Variants in PRX observed in about 807,000 individuals in gnomAD.
PRX encodes periaxin.
In PRX, 24 loss-of-function variants were observed where a neutral mutation model predicts 29.6. The observed-to-expected ratio is 0.81, with a 90% confidence interval of 0.59 to 1.14. PRX has a LOEUF of 1.14. Ranked by LOEUF, PRX falls within the 50% of genes most tolerant of loss-of-function variation. PRX has a pLI of 0.00. For missense variants in PRX, 1,838 were observed against 1,926.4 expected (o/e 0.95, Z 0.86); for synonymous variants, 772 against 831.7 (o/e 0.93, Z 1.24).
Position 40,398,302 on chromosome 19 carries a change from G to T in PRX, c.381+318C>A. The T allele has an allele frequency of 2.8e-6, 4 of 1,421,758 alleles. No homozygotes were observed. Among genetic ancestry groups the T allele is most frequent in the Non-Finnish European group, 3.7e-6 (4 of 1,091,820 alleles). The allele number at this position is 1,421,758 out of a possible 1,614,324, so 88.1% of individuals were successfully genotyped here. ...AAACAACTTTGTCCAGGGCCACTCA[G>T]CAGTAATTGGGCCAGCACTCAGGCT... On this transcript the variant is annotated intron_variant, in intron 6 of 6. Coordinates refer to ENST00000324001, the MANE Select transcript of PRX (RefSeq NM_181882.3). The surrounding 1 kb of genome is among the most constrained non-coding windows in gnomAD (Gnocchi z 6.3).
intron 5 of PRX, among the ~76,000 whole-genome samples, chr19:40,401,807 G>C (rs1000026621): frequency 1.8e-4 from 24 of 134,766 alleles, no homozygotes; most frequent in African/African-American, 6.5e-4. Flanking sequence ...TTGCTCTTTC[G>C]CCCAGGCTGG....
At chr19:40,413,062 G>A (rs751462383) in intron 1 of PRX, among the ~76,000 whole-genome samples, 1 of 152,082 alleles carries the variant, frequency 6.6e-6, no homozygotes, top group Non-Finnish European at 1.5e-5. Context: ...TCATTTACTC[G>A]GCACCAGCCC....
intron 4 of PRX, among the ~76,000 whole-genome samples, chr19:40,407,263 G>T (rs1327687236): frequency 7.2e-6 from 1 of 138,132 alleles, no homozygotes; most frequent in Admixed American, 7.7e-5. Flanking sequence ...TTTAGACAGG[G>T]TCTTTTTTTT....
At chr19:40,408,622 C>T (rs1445638640) in intron 1 of PRX, among the ~76,000 whole-genome samples, 4 of 152,136 alleles carry the variant, frequency 2.6e-5, no homozygotes, top group Admixed American at 1.3e-4. Flanking sequence ...CTGAGGGGGC[C>T]AAATTCACTA....
rs753795890 is a variant in PRX at position 40,407,934 on chromosome 19, G to A, written c.-2C>T. On this transcript the variant is annotated 5_prime_UTR_variant, in exon 4 of 7. Coordinates refer to ENST00000324001, the MANE Select transcript of PRX (RefSeq NM_181882.3). ...GGCACTCCGGCTCCTGGCCTCCATG[G>A]CGTTGCTGGGAGGCACCTGCACCCC... 1.2e-6 allele frequency: 2 copies of A among 1,613,664 alleles called. No individual in the cohort carries two copies. The highest frequency in any genetic ancestry group is 4.5e-5 in the East Asian group (2 of 44,894).
At chr19:40,413,296 C>T (rs560933742) in intron 1 of PRX, 42 bp downstream of exon 1, 1 of 152,650 alleles carries the variant, frequency 6.6e-6, no homozygotes, top group African/African-American at 2.4e-5. Flanking sequence ...CCCACAGTGT[C>T]TCAGCCTGGC....
intron 4 of PRX, among the ~76,000 whole-genome samples, chr19:40,404,520 T>C (rs1195495559): frequency 3.3e-5 from 5 of 151,380 alleles, no homozygotes; most frequent in African/African-American, 1.2e-4. Context: ...AGGAGAGGAA[T>C]GTGGCCAGAG....
At chr19:40,404,625 A>C (rs868474514) in intron 4 of PRX, among the ~76,000 whole-genome samples, 2 of 152,080 alleles carry the variant, frequency 1.3e-5, no homozygotes, top group South Asian at 4.1e-4. Context: ...GCTTGAGTGC[A>C]GTGGTGTGAT....
At chr19:40,406,652 A>T (rs2079531995) in intron 4 of PRX, among the ~76,000 whole-genome samples, 1 of 152,078 alleles carries the variant, frequency 6.6e-6, no homozygotes, top group African/African-American at 2.4e-5. Context: ...GGTCAATGCC[A>T]ATCCACCATC....
In PRX at chr19:40,401,985, C is replaced by A. The variant is rs1267424844; in HGVS notation, c.184+1721G>T. 3.9e-5 allele frequency among the ~76,000 whole-genome samples: 6 copies of A among 152,102 alleles called. No homozygotes were observed. The East Asian group carries it at 1.2e-3, about 29-fold the overall frequency. On this transcript the variant is annotated intron_variant, in intron 5 of 6. Coordinates refer to ENST00000324001, the MANE Select transcript of PRX (RefSeq NM_181882.3). ...GCCAGGCTGGCCTCGAACTCCTGAC[C>A]TCAGGTGATCAGCCCACCTCAGCCT...
chr19:40,402,092 C>T (rs1415487547), intron 5 of PRX, among the ~76,000 whole-genome samples: 1 of 152,148 alleles, frequency 6.6e-6, no homozygotes, highest in Non-Finnish European at 1.5e-5. Context: ...GTGGCTCACG[C>T]CTGTAATCCC....
In PRX at chr19:40,397,527, G is replaced by A. The variant is rs753268672; in HGVS notation, c.825C>T (p.Leu275=). 94 of 1,543,750 alleles carry A rather than the reference G, an allele frequency of 6.1e-5. No homozygotes were observed. The East Asian group carries it at 1.3e-3, about 21-fold the overall frequency. ...GFALHLPTLG[L]GAPAPPAVEA... is the part of the protein sequence containing the mutation. Reference sequence around the variant, plus strand: ...CCACAGCAGGCGGAGCCGGGGCTCCGAGCCCAAGGGTTGGCAGGTGGAGGG... The same window carrying A: ...CCACAGCAGGCGGAGCCGGGGCTCCAAGCCCAAGGGTTGGCAGGTGGAGGG... Residue 275 remains leucine, a synonymous_variant, in exon 7 of 7, where the codon CTC becomes CTT. Transcript: ENST00000324001.
chr19:40,404,024 C>T (rs2079515358), intron 4 of PRX, among the ~76,000 whole-genome samples, 162 bp from the exon 5 acceptor site: 3 of 152,146 alleles, frequency 2.0e-5, no homozygotes, highest in Admixed American at 6.5e-5. Context: ...TGGTCTCGAA[C>T]TCCTCCTGGG....
rs1489716811 is a variant in PRX, at chr19:40,395,084, T to G, written c.3268A>C (p.Thr1090Pro). The part of the protein sequence containing the change: ...RASPGEKAES[T>P]AVQLKIPEVE... ...TCGGGGATCTTAAGCTGCACAGCGG[T>G]GGACTCAGCCTTTTCCCCCGGGCTG... Residue 1090 changes from threonine (T) to proline (P), a missense_variant, in exon 7 of 7, where the codon ACC becomes CCC. Transcript: ENST00000324001. The G allele has an allele frequency of 5.0e-6, 8 of 1,613,420 alleles. No homozygotes were observed. The Admixed American group carries it at 1.0e-4, about 20-fold the overall frequency.
In PRX at chr19:40,396,086, G is replaced by A. The variant is rs376370494; in HGVS notation, c.2266C>T (p.Pro756Ser). 1.9e-6 allele frequency: 3 copies of A among 1,614,164 alleles called. No homozygotes were observed. Among genetic ancestry groups the A allele is most frequent in the Non-Finnish European group, 1.7e-6 (2 of 1,180,038 alleles). ...GGAACCTTCGGCACTTGCATTTCCG[G>A]CAGCCGAATCTCTGACACTTTCGGC... Reference protein sequence around the residue: ...QLPKVSEIRLPEMQVPKVPDV... With the variant: ...QLPKVSEIRLSEMQVPKVPDV... Residue 756 changes from proline (P) to serine (S), a missense_variant, in exon 7 of 7, where the codon CCG (proline) becomes TCG (serine). This residue lies in a region of PRX where 1,143 missense variants were observed against 1,193.0 expected (regional missense o/e 0.96). Coordinates refer to ENST00000324001, the MANE Select transcript of PRX (RefSeq NM_181882.3).
chr19:40,400,891 A>G (rs1234819249), intron 5 of PRX, among the ~76,000 whole-genome samples: 1 of 152,150 alleles, frequency 6.6e-6, no homozygotes. Context: ...ATTCCCAAGT[A>G]TATCTCTCCA....
intron 1 of PRX, among the ~76,000 whole-genome samples, chr19:40,408,700 C>T (rs141345186): frequency 2.6e-4 from 40 of 152,246 alleles, no homozygotes; most frequent in African/African-American, 9.1e-4. Context: ...GGTGCAATCA[C>T]GGCACACTGC....
chr19:40,394,348 C>T lies in PRX; in HGVS notation c.4004G>A (p.Arg1335Gln), dbSNP rs1384489319. The change falls in exon 7 of 7, where the codon CGA becomes CAA. Residue 1335 changes from arginine to glutamine, a missense_variant. Arg to Gln is a conservative substitution (Grantham distance 43, BLOSUM62 1). This residue lies in a region of PRX where 1,143 missense variants were observed against 1,193.0 expected (regional missense o/e 0.96). Coordinates refer to ENST00000324001, the MANE Select transcript of PRX (RefSeq NM_181882.3). The surrounding 1 kb of genome is among the most constrained non-coding windows in gnomAD (Gnocchi z 5.8). ...KAKSPKLRLP[R>Q]VGFSQSEMVT... ...CATCTCACTTTGGCTGAAGCCCACT[C>T]GGGGCAGCCTGAGTTTGGGGCTCTT... The T allele has an allele frequency of 1.1e-5, 18 of 1,605,960 alleles. No homozygotes were observed. The highest frequency in any genetic ancestry group is 2.3e-5 in the East Asian group (1 of 44,424).
At chr19:40,414,671 G>A (rs576179859), upstream of PRX, among the ~76,000 whole-genome samples, 1 of 152,138 alleles carries the variant, frequency 6.6e-6, no homozygotes, top group South Asian at 2.1e-4. Flanking sequence ...CCTGGACCCT[G>A]GTCCAGCCCC....
Sources: allele counts gnomAD v4.1 joint callset (sites outside exome capture counted in the v4.1 genomes callset), GRCh38; gene constraint gnomAD v4.1.1; regional missense constraint gnomAD v4.1.1; non-coding constraint Gnocchi (gnomAD v3.1); transcripts MANE v1.5; gene names NCBI Gene and HGNC (gene_info 2026-07-23, HGNC 2026-07-21).